Variants in CEP63 observed in about 807,000 individuals in gnomAD.
CEP63 encodes the protein centrosomal protein of 63 kDa.
Under a neutral mutation model 89.1 loss-of-function variants are expected in CEP63, and 84 were observed. The ratio of observed to expected loss-of-function variants is 0.94; its 90% CI spans 0.79 to 1.13. The LOEUF (loss-of-function observed/expected upper bound fraction) is 1.13. Ranked by LOEUF, CEP63 falls within the 50% of genes most tolerant of loss-of-function variation. The probability of loss-of-function intolerance (pLI) is 0.00; values close to 1 mark genes in which losing one functional copy is unlikely to be tolerated. For synonymous variants in CEP63, 267 were observed against 272.5 expected, an observed-to-expected ratio of 0.98 and a Z score of 0.20; for missense variants, 838 against 813.3, an observed-to-expected ratio of 1.03 and a Z score of -0.37.
chr3:134,487,505 T>G (rs1201008050), intron 1 of CEP63, among the ~76,000 whole-genome samples: 1 of 152,236 alleles, frequency 6.6e-6, no homozygotes, highest in Non-Finnish European at 1.5e-5. Context: ...TCTGTTCTAA[T>G]TTATGTTGTG....
the CEP63 span, among the ~76,000 whole-genome samples, chr3:134,668,938 A>C: frequency 6.6e-6 from 1 of 152,162 alleles, no homozygotes; most frequent in African/African-American, 2.4e-5. Flanking sequence ...TCAATTTTCA[A>C]ATTAGCAAGC....
chr3:134,585,384 T>C (rs1308276667), intron 10 of CEP63, among the ~76,000 whole-genome samples: 1 of 152,202 alleles, frequency 6.6e-6, no homozygotes, highest in African/African-American at 2.4e-5. Flanking sequence ...TCTGGTATGT[T>C]GTGTCTTTGT....
At chr3:134,612,025 T>C in the CEP63 span, among the ~76,000 whole-genome samples, 2 of 152,262 alleles carry the variant, frequency 1.3e-5, no homozygotes, top group Non-Finnish European at 2.9e-5. Flanking sequence ...TCAGTGTTTC[T>C]TCACATGCAT....
the CEP63 span, among the ~76,000 whole-genome samples, chr3:134,661,850 G>A: frequency 4.6e-5 from 7 of 151,950 alleles, no homozygotes; most frequent in African/African-American, 1.7e-4. Context: ...AACTTCTAAG[G>A]TGATAATATC....
chr3:134,747,375 G>A, the CEP63 span, among the ~76,000 whole-genome samples: 1 of 152,178 alleles, frequency 6.6e-6, no homozygotes, highest in East Asian at 1.9e-4. Context: ...CATTGTCCCT[G>A]CCATCAGGGA....
At chr3:134,749,705 C>CAAAAAAAAAAAAAAAAAAAAAAAAA in the CEP63 span, among the ~76,000 whole-genome samples, 2 of 49,398 alleles carry the variant, frequency 4.0e-5, no homozygotes, top group African/African-American at 6.7e-5. Flanking sequence ...AGGGGTTGTT[C>CAAAAAAAAAAAAAAAAAAAAAAAAA]AAAAAAAAAA....
intron 11 of CEP63, among the ~76,000 whole-genome samples, chr3:134,551,392 A>C (rs1954791241): frequency 6.6e-6 from 1 of 152,172 alleles, no homozygotes; most frequent in Non-Finnish European, 1.5e-5. Context: ...TGAAGCTTAA[A>C]AAAAGGAGCA....
intron 3 of CEP63, among the ~76,000 whole-genome samples, chr3:134,514,142 T>C (rs2108595082): frequency 6.6e-6 from 1 of 152,214 alleles, no homozygotes; most frequent in African/African-American, 2.4e-5. Context: ...AGATTGAGCA[T>C]TTCGAAAAAG....
At chr3:134,768,424 C>A in the CEP63 span, among the ~76,000 whole-genome samples, 1 of 152,144 alleles carries the variant, frequency 6.6e-6, no homozygotes, top group Admixed American at 6.5e-5. Flanking sequence ...TACTGGAGCT[C>A]TAATTAAGGC....
chr3:134,593,314 A>G, the CEP63 span, among the ~76,000 whole-genome samples: 1 of 152,300 alleles, frequency 6.6e-6, no homozygotes, highest in South Asian at 2.1e-4. Context: ...AGTACTTACT[A>G]TGTGCCCGGG....
chr3:134,669,711 G>C, the CEP63 span, among the ~76,000 whole-genome samples: 32 of 152,190 alleles, frequency 2.1e-4, no homozygotes, highest in Non-Finnish European at 4.0e-4. Flanking sequence ...TAGGACTAAA[G>C]TGTCTGGTTA....
intron 4 of CEP63, among the ~76,000 whole-genome samples, chr3:134,532,472 A>G (rs1274297855): frequency 6.6e-6 from 1 of 152,228 alleles, no homozygotes; most frequent in Admixed American, 6.5e-5. Flanking sequence ...CCTAGAGGAA[A>G]GAAAAAGAGT....
chr3:134,494,281 ATT>A (rs577635507), intron 1 of CEP63, among the ~76,000 whole-genome samples: 3 of 141,088 alleles, frequency 2.1e-5, no homozygotes, highest in Non-Finnish European at 3.1e-5. Flanking sequence ...TGCCCAGCTA[ATT>A]TTTTTTTTTT....
the CEP63 span, among the ~76,000 whole-genome samples, chr3:134,682,098 G>C: frequency 7.9e-5 from 12 of 152,274 alleles, no homozygotes; most frequent in African/African-American, 2.9e-4. Context: ...TAAGCCTCTG[G>C]GAGGGAGTTC....
chr3:134,747,538 T>G, the CEP63 span, among the ~76,000 whole-genome samples: 2 of 152,318 alleles, frequency 1.3e-5, no homozygotes, highest in Non-Finnish European at 2.9e-5. Context: ...GCCCACCTGA[T>G]TTTGGTTGCA....
At chr3:134,768,785 A>G in the CEP63 span, among the ~76,000 whole-genome samples, 1 of 152,232 alleles carries the variant, frequency 6.6e-6, no homozygotes, top group Non-Finnish European at 1.5e-5. Context: ...TTGAAGATGC[A>G]ATTAAGATTG....
In CEP63 at chr3:134,551,754, T is replaced by TAC. The variant is rs1272202256; in HGVS notation, c.1381-161_1381-160dup. On this transcript the variant is annotated intron_variant, in intron 11 of 14. Transcript: ENST00000675561. ...ATATATATATATATATATATATATA[T>TAC]ACACACACACACGTACATATATATA... 0.013 allele frequency among the ~76,000 whole-genome samples: 284 copies of TAC among 21,792 alleles called. 8 individuals are homozygous for TAC. The South Asian group carries it at 0.21, about 16-fold the overall frequency. 14.3% of individuals were successfully genotyped at this position (21,792 alleles called of 152,430 possible).
At chr3:134,657,148 G>A in the CEP63 span, among the ~76,000 whole-genome samples, 3 of 152,158 alleles carry the variant, frequency 2.0e-5, no homozygotes, top group East Asian at 1.9e-4. Flanking sequence ...CATGATGGGA[G>A]GCAAAAGACT....
chr3:134,602,274 T>TCC, the CEP63 span, among the ~76,000 whole-genome samples: 2 of 152,070 alleles, frequency 1.3e-5, no homozygotes, highest in Admixed American at 1.3e-4. Flanking sequence ...CTCGCTGAAG[T>TCC]CAGCCTTTCC....
Sources: allele counts gnomAD v4.1 joint callset (sites outside exome capture counted in the v4.1 genomes callset), GRCh38; gene constraint gnomAD v4.1.1; transcripts MANE v1.5; gene names NCBI Gene and HGNC (gene_info 2026-07-23, HGNC 2026-07-21).